Variants in BCAR1 observed in about 807,000 individuals in gnomAD.
The protein encoded by BCAR1 is BCAR1 scaffold protein, Cas family member.
In BCAR1, 30 loss-of-function variants were observed where a neutral mutation model predicts 67.6. The ratio of observed to expected loss-of-function variants is 0.44; its 90% confidence interval spans 0.33 to 0.60. The LOEUF (loss-of-function observed/expected upper bound fraction) is 0.60, where lower values mean the gene tolerates loss of function less well. Ranked by LOEUF, BCAR1 falls within the 20% of genes least tolerant of loss-of-function variation. BCAR1 has a pLI of 0.02. For missense variants in BCAR1, 1,313 were observed against 1,222.3 expected (o/e 1.07, Z -1.11); for synonymous variants, 626 against 556.7 (o/e 1.12, Z -1.75).
intron 6 of BCAR1, among the ~76,000 whole-genome samples, chr16:75,231,215 G>C (rs1201714742): frequency 2.6e-5 from 4 of 151,524 alleles, no homozygotes; most frequent in African/African-American, 4.9e-5. Flanking sequence ...TCCTGCTTCA[G>C]CTGGGATTAC....
upstream of BCAR1, chr16:75,252,404 G>A: frequency 6.8e-7 from 1 of 1,464,986 alleles, no homozygotes; most frequent in Non-Finnish European, 9.0e-7. Flanking sequence ...CGGCACTGGG[G>A]GAATGAGGGA....
In BCAR1 at chr16:75,235,025, G is replaced by C. The variant is rs61736821; in HGVS notation, c.1874C>G (p.Pro625Arg). The change falls in exon 5 of 7, where the codon CCC becomes CGC. Residue 625 changes from proline to arginine, a missense_variant. Around this residue, in one of 2 missense-constraint regions of BCAR1, gnomAD observed 1,272 missense variants for 1,137.5 expected, o/e 1.12. Transcript: ENST00000162330. ...CTGGATGCTGCTGGTCTTGTCAGTG[G>C]GGTTGGGGTGCAGGGTGCCACCCCC... ...PEGGGTLHPN[P>R]TDKTSSIQSR... 1.4e-5 allele frequency: 22 copies of C among 1,613,172 alleles called. No individual in the cohort carries two copies. The highest frequency in any genetic ancestry group is 2.5e-6 in the Non-Finnish European group (3 of 1,179,960).
upstream of BCAR1, among the ~76,000 whole-genome samples, chr16:75,252,704 G>T (rs927929810): frequency 6.6e-6 from 1 of 152,210 alleles, no homozygotes; most frequent in Non-Finnish European, 1.5e-5. Flanking sequence ...CCGGCTTCAC[G>T]CAGCAGAGAA....
At chr16:75,251,347 G>A (rs2077674378) in intron 1 of BCAR1, 124 bp downstream of exon 1, 2 of 1,332,682 alleles carry the variant, frequency 1.5e-6, no homozygotes, top group Non-Finnish European at 2.0e-6. Flanking sequence ...TCCCAGGGCC[G>A]CGGACCCCGG....
chr16:75,249,810 T>A (rs1481233986), intron 1 of BCAR1: 1 of 152,194 alleles, frequency 6.6e-6, no homozygotes, highest in South Asian at 2.1e-4. Context: ...CAAAAGAGCA[T>A]GGTGGTCCCC....
intron 1 of BCAR1, chr16:75,264,531 C>T (rs1434494251): frequency 5.0e-6 from 7 of 1,398,864 alleles, no homozygotes; most frequent in African/African-American, 2.9e-5. Context: ...GAAGACGAGA[C>T]GATTATGCTC....
chr16:75,241,985 C>T (rs372179154), intron 2 of BCAR1, among the ~76,000 whole-genome samples: 13 of 152,326 alleles, frequency 8.5e-5, no homozygotes, highest in African/African-American at 2.4e-4. Context: ...TCACCATACG[C>T]ACCCGCTGGC....
At chr16:75,253,746 G>T (rs1345597636), upstream of BCAR1, among the ~76,000 whole-genome samples, 3 of 151,900 alleles carry the variant, frequency 2.0e-5, no homozygotes, top group South Asian at 6.3e-4. Flanking sequence ...GTAGCTGGGG[G>T]GTGGGGGAGG....
intron 1 of BCAR1, chr16:75,266,118 T>C (rs2078005604): frequency 1.2e-6 from 1 of 831,002 alleles, no homozygotes; most frequent in South Asian, 5.5e-5. Context: ...GGAGGCGCGG[T>C]CTCCTCCGCT....
intron 1 of BCAR1, among the ~76,000 whole-genome samples, chr16:75,267,464 C>T (rs1330823712): frequency 2.0e-5 from 3 of 151,786 alleles, no homozygotes; most frequent in South Asian, 2.1e-4. Context: ...ATGTCTGGCA[C>T]GTGGCCCTGC....
At chr16:75,263,345 CA>C (rs1341704441) in intron 1 of BCAR1, 1 of 985,346 alleles carries the variant, frequency 1.0e-6, no homozygotes, top group African/African-American at 1.7e-5. Context: ...CATTTCCTTC[CA>C]AATGTGTCCT....
At chr16:75,236,788 C>G in intron 4 of BCAR1, 94 bp downstream of exon 4, 1 of 1,477,692 alleles carries the variant, frequency 6.8e-7, no homozygotes, top group Non-Finnish European at 9.0e-7. Flanking sequence ...CCCGCCACCC[C>G]CAGCCCTGCA....
intron 1 of BCAR1, among the ~76,000 whole-genome samples, chr16:75,257,167 C>G (rs1268070765): frequency 6.6e-6 from 1 of 152,180 alleles, no homozygotes; most frequent in Non-Finnish European, 1.5e-5. Flanking sequence ...AGGGTGTGGT[C>G]AGGAGGCCTC....
intron 1 of BCAR1, among the ~76,000 whole-genome samples, chr16:75,257,415 G>T (rs1274405037): frequency 3.3e-5 from 5 of 152,162 alleles, no homozygotes; most frequent in Admixed American, 2.0e-4. Flanking sequence ...GGAAAGAGTG[G>T]ATACAGGGAA....
intron 2 of BCAR1, chr16:75,239,145 G>A: frequency 1.0e-6 from 1 of 976,942 alleles, no homozygotes; most frequent in Non-Finnish European, 1.2e-6. Flanking sequence ...CCACCAGGGG[G>A]AAAAGCTCTT....
intron 1 of BCAR1, chr16:75,263,370 A>G (rs1465893621): frequency 2.0e-6 from 2 of 985,304 alleles, no homozygotes; most frequent in African/African-American, 3.5e-5. Context: ...AGCTGCAGGA[A>G]GAGTCAGGCC....
intron 1 of BCAR1, chr16:75,248,207 G>C: frequency 1.9e-6 from 3 of 1,553,448 alleles, no homozygotes; most frequent in Non-Finnish European, 1.7e-6. Context: ...GCCTGGGTTC[G>C]TGGAAACCAC....
intron 1 of BCAR1, chr16:75,249,541 C>G (rs1001507762): frequency 6.6e-6 from 1 of 152,326 alleles, no homozygotes; most frequent in African/African-American, 2.4e-5. Flanking sequence ...TCCCTATCAC[C>G]CAATCCCACT....
At chr16:75,264,588 C>T in intron 1 of BCAR1, 1 of 1,296,820 alleles carries the variant, frequency 7.7e-7, no homozygotes, top group Non-Finnish European at 9.8e-7. Context: ...GTCTGGAAGC[C>T]CTCATTTTTT....
Sources: allele counts gnomAD v4.1 joint callset (sites outside exome capture counted in the v4.1 genomes callset), GRCh38; gene constraint gnomAD v4.1.1; regional missense constraint gnomAD v4.1.1; transcripts MANE v1.5; gene names NCBI Gene and HGNC (gene_info 2026-07-23, HGNC 2026-07-21).